SPEF2: variants seen among roughly 807,000 people sequenced by gnomAD.
SPEF2 encodes the protein sperm flagellar and cilia associated 2, also known as sperm flagella and cilia-associated protein 2.
Under a neutral mutation model 224.6 loss-of-function variants are expected in SPEF2, and 187 were observed. The ratio of observed to expected loss-of-function variants is 0.83; its 90% confidence interval spans 0.74 to 0.94. SPEF2 has a LOEUF of 0.94. Ranked by LOEUF, SPEF2 falls within the 40% of genes least tolerant of loss-of-function variation. The pLI is 0.00. For synonymous variants in SPEF2, 715 were observed against 707.3 expected (o/e 1.01, Z -0.17); for missense variants, 2,170 against 2,135.6 (o/e 1.02, Z -0.32).
Position 35,808,564 on chromosome 5 carries a change from A to T in SPEF2, c.5379+1311A>T, listed in dbSNP as rs138132714. 7.6e-3 allele frequency among the ~76,000 whole-genome samples: 1,158 copies of T among 152,074 alleles called. 16 individuals carry two copies. The highest frequency in any genetic ancestry group is 0.026 in the African/African-American group (1,064 of 41,464). ...GGTTTCCAGCTTCATCCATGTCCCT[A>T]TGAAGGACATGAAGTCATCCTTTTA... On this transcript the variant is annotated intron_variant, in intron 36 of 36. Coordinates refer to ENST00000356031, the MANE Select transcript of SPEF2 (RefSeq NM_024867.4).
At chr5:35,701,441 A>G (rs1413626626) in intron 16 of SPEF2, among the ~76,000 whole-genome samples, 3 of 152,192 alleles carry the variant, frequency 2.0e-5, no homozygotes, top group Non-Finnish European at 2.9e-5. Flanking sequence ...GCTCAGAGCT[A>G]CATGCTTAGG....
chr5:35,731,867 A>T (rs577311596), intron 21 of SPEF2, among the ~76,000 whole-genome samples: 55 of 152,316 alleles, frequency 3.6e-4, no homozygotes, highest in Non-Finnish European at 6.6e-4. Flanking sequence ...ATTACATCTC[A>T]GGGGCTGGAA....
rs143562337 is a variant in SPEF2 at position 35,765,212 on chromosome 5, T to A, written c.3801+1510T>A. ...TGAGCTTTAGATAAATGGACTCATATCTTTTGTCTTTTTTGTGTCTTATTT... is the reference window on the plus strand; with the variant it reads ...TGAGCTTTAGATAAATGGACTCATAACTTTTGTCTTTTTTGTGTCTTATTT... On this transcript the variant is annotated intron_variant, in intron 26 of 36. Transcript: ENST00000356031. Among the ~76,000 whole-genome samples the A allele has an allele frequency of 2.4e-4, 36 of 152,298 alleles. No individual in the cohort carries two copies. The East Asian group carries it at 6.7e-3, about 29-fold the overall frequency.
At position 35,656,889 on chromosome 5, in the gene SPEF2, A is replaced by G. The variant is rs141064805; in HGVS notation, c.979-2130A>G. 3.0e-3 allele frequency among the ~76,000 whole-genome samples: 460 copies of G among 152,286 alleles called. 4 individuals carry two copies. The highest frequency in any genetic ancestry group is 0.01 in the African/African-American group (428 of 41,552). ...CTGCTATTCCTAGAACCAGGCCTGAAGCATATGCTGCATTCCCTCCATTCC... is the reference window on the plus strand; with the variant it reads ...CTGCTATTCCTAGAACCAGGCCTGAGGCATATGCTGCATTCCCTCCATTCC... On this transcript the variant is annotated intron_variant, in intron 7 of 36. Coordinates refer to ENST00000356031, the MANE Select transcript of SPEF2 (RefSeq NM_024867.4).
intron 19 of SPEF2, chr5:35,709,362 T>G: frequency 4.9e-5 from 64 of 1,311,308 alleles, no homozygotes; most frequent in Non-Finnish European, 6.1e-5. Context: ...GTCTACTGAT[T>G]AGAGTAAGAC....
At position 35,692,563 on chromosome 5, in the gene SPEF2, A is replaced by G; in HGVS notation, c.1745-7A>G. 1.9e-6 allele frequency: 3 copies of G among 1,576,868 alleles called. No individual in the cohort carries two copies. The highest frequency in any genetic ancestry group is 2.6e-6 in the Non-Finnish European group (3 of 1,162,932). On this transcript the variant is annotated splice_region_variant and splice_polypyrimidine_tract_variant and intron_variant, in intron 11 of 36. Transcript: ENST00000356031. ...AGCTATTTATAAAATTATCTTTTGTACTTTAGACTTTCCTATACAGATACT... is the reference window on the plus strand; with the variant it reads ...AGCTATTTATAAAATTATCTTTTGTGCTTTAGACTTTCCTATACAGATACT...
chr5:35,770,530 G>A (rs1239683551), intron 26 of SPEF2, among the ~76,000 whole-genome samples: 2 of 152,006 alleles, frequency 1.3e-5, no homozygotes, highest in Non-Finnish European at 2.9e-5. Flanking sequence ...ACCCACCCCA[G>A]CCCCTGGTAA....
intron 36 of SPEF2, among the ~76,000 whole-genome samples, chr5:35,812,208 A>G (rs1387144902): frequency 6.6e-6 from 1 of 152,238 alleles, no homozygotes; most frequent in East Asian, 1.9e-4. Flanking sequence ...TTATATGTGG[A>G]TGGACTAGTG....
intron 20 of SPEF2, among the ~76,000 whole-genome samples, chr5:35,724,719 ACT>A (rs1310620655): frequency 1.3e-5 from 2 of 152,250 alleles, no homozygotes; most frequent in Non-Finnish European, 2.9e-5. Context: ...AGGAGTATCT[ACT>A]CATGTGGCTA....
intron 23 of SPEF2, among the ~76,000 whole-genome samples, chr5:35,743,721 G>T (rs1748037636): frequency 6.6e-6 from 1 of 151,656 alleles, no homozygotes; most frequent in South Asian, 2.1e-4. Context: ...ATAGCTAGAT[G>T]ATCTTGTAAA....
intron 26 of SPEF2, chr5:35,764,909 T>C (rs1751888193): frequency 2.8e-6 from 1 of 360,122 alleles, no homozygotes; most frequent in Non-Finnish European, 5.4e-6. Context: ...CATTTTAGTA[T>C]GGATTTTCAC....
intron 36 of SPEF2, chr5:35,807,577 C>T (rs531258946): frequency 1.1e-5 from 16 of 1,434,502 alleles, no homozygotes; most frequent in Middle Eastern, 1.7e-4. Context: ...CCAAAGAGAA[C>T]TAACCAAGAC....
chr5:35,733,958 G>T (rs891508676), intron 21 of SPEF2, among the ~76,000 whole-genome samples: 2 of 152,140 alleles, frequency 1.3e-5, no homozygotes. Flanking sequence ...GGACTTTAAT[G>T]AGTTAGTCCA....
In SPEF2 at chr5:35,790,379, A is replaced by G. The variant is rs558881890; in HGVS notation, c.4448-1961A>G. On this transcript the variant is annotated intron_variant, in intron 30 of 36. Transcript: ENST00000356031. ...AAAATGAAAGTGATTAGCAATATGC[A>G]AATGTTGACATTTTTGTTGCTTAGC... 3 of 501,580 alleles carry G rather than the reference A, an allele frequency of 6.0e-6. No individual in the cohort carries two copies. The South Asian group carries it at 1.1e-4, about 18-fold the overall frequency. The allele number at this position is 501,580 out of a possible 1,614,324, so 31.1% of individuals were successfully genotyped here. A position where few individuals can be genotyped will look rare whatever the true frequency, so the allele number is the denominator to read the frequency against.
intron 27 of SPEF2, among the ~76,000 whole-genome samples, chr5:35,771,962 A>T (rs1752917131): frequency 1.3e-5 from 2 of 152,248 alleles, no homozygotes; most frequent in South Asian, 4.1e-4. Flanking sequence ...TTAACCAAAT[A>T]GCCAGATGTA....
chr5:35,776,099 T>C (rs1038245296), intron 28 of SPEF2, among the ~76,000 whole-genome samples, 158 bp from the exon 29 acceptor site: 7 of 152,238 alleles, frequency 4.6e-5, no homozygotes, highest in African/African-American at 1.7e-4. Context: ...ACATTTTGCT[T>C]TTCAGTGAGA....
rs1191949643 is a variant in SPEF2 at position 35,654,746 on chromosome 5, G to T, written c.978+20G>T. The T allele has an allele frequency of 1.9e-6, 3 of 1,591,440 alleles. No individual in the cohort carries two copies. Among genetic ancestry groups the T allele is most frequent in the Admixed American group, 1.8e-5 (1 of 54,472 alleles). On this transcript the variant is annotated intron_variant, in intron 7 of 36. Transcript: ENST00000356031. Reference sequence around the variant, plus strand: ...CAAGAGGTAAGATATTTAGATGAAGGTTAAGTAATAGTGCTGGGAATTCTA... The same window carrying T: ...CAAGAGGTAAGATATTTAGATGAAGTTTAAGTAATAGTGCTGGGAATTCTA...
intron 36 of SPEF2, among the ~76,000 whole-genome samples, chr5:35,812,135 C>T (rs185590930): frequency 2.6e-5 from 4 of 152,226 alleles, no homozygotes; most frequent in Admixed American, 6.5e-5. Flanking sequence ...TTGCACCAAC[C>T]TACTTCTACT....
At chr5:35,797,503 C>T (rs1186202547) in intron 33 of SPEF2, among the ~76,000 whole-genome samples, 1 of 152,140 alleles carries the variant, frequency 6.6e-6, no homozygotes, top group African/African-American at 2.4e-5. Context: ...TGTTTACAAG[C>T]TGTGAGGTAT....
Sources: allele counts gnomAD v4.1 joint callset (sites outside exome capture counted in the v4.1 genomes callset), GRCh38; gene constraint gnomAD v4.1.1; transcripts MANE v1.5; gene names NCBI Gene and HGNC (gene_info 2026-07-23, HGNC 2026-07-21).